The following ZC3HAV1L variants were observed in gnomAD, a reference collection of about 807,000 sequenced individuals.
ZC3HAV1L encodes zinc finger CCCH-type antiviral protein 1-like.
Under a neutral mutation model 28.2 loss-of-function variants are expected in ZC3HAV1L, and 23 were observed. The ratio of observed to expected loss-of-function variants is 0.82; its 90% CI spans 0.59 to 1.16. The LOEUF (loss-of-function observed/expected upper bound fraction) is 1.16. Among genes scored for constraint, ZC3HAV1L ranks in the 50% most tolerant of loss-of-function variants. The pLI is 0.00. For missense variants in ZC3HAV1L, 376 were observed against 387.7 expected (o/e 0.97, Z 0.25); for synonymous variants, 180 against 163.4 (o/e 1.10, Z -0.78).
At chr7:139,035,091 C>T in intron 1 of ZC3HAV1L, 1 of 985,460 alleles carries the variant, frequency 1.0e-6, no homozygotes, top group Non-Finnish European at 1.2e-6. Flanking sequence ...GAAGCACAGC[C>T]TGGGGTCAGG....
intron 4 of ZC3HAV1L, 24 bp from the exon 5 acceptor site, chr7:139,026,584 C>A: frequency 1.2e-6 from 2 of 1,612,394 alleles, no homozygotes; most frequent in East Asian, 2.2e-5. Context: ...ATTATTATGA[C>A]CATTACAAAT....
intron 1 of ZC3HAV1L, chr7:139,035,012 C>T: frequency 2.0e-6 from 2 of 985,442 alleles, no homozygotes; most frequent in Non-Finnish European, 2.4e-6. Context: ...AAAAAGAAAG[C>T]GCCCCTATCC....
At position 139,034,694 on chromosome 7, in the gene ZC3HAV1L, C is replaced by T. The variant is rs752468960; in HGVS notation, c.366-16G>A. The T allele has an allele frequency of 2.5e-6, 4 of 1,613,126 alleles. No homozygotes were observed. The South Asian group carries it at 4.4e-5, about 18-fold the overall frequency. ...ACAGGTAGACCTAAAAGAACAAAGC[C>T]CTCGGTCAGATGCCCAGGTGAAGAA... On this transcript the variant is annotated splice_polypyrimidine_tract_variant and intron_variant, in intron 1 of 4. Coordinates refer to ENST00000275766, the MANE Select transcript of ZC3HAV1L (RefSeq NM_080660.4).
At chr7:139,035,271 G>C in intron 1 of ZC3HAV1L, 1 of 985,392 alleles carries the variant, frequency 1.0e-6, no homozygotes, top group African/African-American at 1.7e-5. Context: ...CCGGCTAAAG[G>C]GTCCAGGGAT....
chr7:139,026,939 G>GAACTCTCCAAATC, intron 3 of ZC3HAV1L, 106 bp from the exon 4 acceptor site: 1 of 1,274,126 alleles, frequency 7.8e-7, no homozygotes, highest in Non-Finnish European at 1.1e-6. Flanking sequence ...CCCAACACAT[G>GAACTCTCCAAATC]GATTTGGAGA....
Position 139,026,043 on chromosome 7 carries a change from G to T in ZC3HAV1L, c.*501C>A, listed in dbSNP as rs1442245259. 6.5e-6 allele frequency: 1 copy of T among 153,126 alleles called. No homozygotes were observed. Among genetic ancestry groups the T allele is most frequent in the Non-Finnish European group, 1.4e-5 (1 of 69,006 alleles). The allele number at this position is 153,126 out of a possible 1,614,324, so 9.5% of individuals were successfully genotyped here. ...CCAGCTACTCAGGAGGCTGAGGTGG[G>T]ATGATCACTTGAGCCCAGGAAGTCA... is the stretch of plus-strand genomic sequence containing the variant. On this transcript the variant is annotated 3_prime_UTR_variant, in exon 5 of 5. Coordinates refer to ENST00000275766, the MANE Select transcript of ZC3HAV1L (RefSeq NM_080660.4).
chr7:139,023,681 C>T (rs912857991), downstream of ZC3HAV1L, among the ~76,000 whole-genome samples: 1 of 152,266 alleles, frequency 6.6e-6, no homozygotes, highest in South Asian at 2.1e-4. Context: ...CCAGTGAAAT[C>T]CACAAACGCT....
chr7:139,028,655 C>T (rs373730571), intron 3 of ZC3HAV1L, 47 bp downstream of exon 3: 5 of 1,586,122 alleles, frequency 3.2e-6, no homozygotes, highest in East Asian at 2.2e-5. Flanking sequence ...TGAAGCATCG[C>T]AAAACCATAT....
chr7:139,027,002 G>T (rs1207747650), intron 3 of ZC3HAV1L, among the ~76,000 whole-genome samples, 169 bp from the exon 4 acceptor site: 1 of 147,698 alleles, frequency 6.8e-6, no homozygotes. Flanking sequence ...ATAAAAAATA[G>T]AGAGAGAGAG....
chr7:139,024,024 A>T (rs181288836), downstream of ZC3HAV1L, among the ~76,000 whole-genome samples: 2 of 152,362 alleles, frequency 1.3e-5, no homozygotes, highest in East Asian at 3.9e-4. Context: ...GACATTCAAA[A>T]ATAAGGAAAT....
At chr7:139,035,072 C>A (rs1351635194) in intron 1 of ZC3HAV1L, 1 of 985,332 alleles carries the variant, frequency 1.0e-6, no homozygotes, top group Admixed American at 6.1e-5. Flanking sequence ...AAGGAAAATT[C>A]GGGGCTGTGA....
downstream of ZC3HAV1L, chr7:139,022,579 G>A: frequency 5.0e-6 from 1 of 200,296 alleles, no homozygotes; most frequent in Non-Finnish European, 1.1e-5. Context: ...AAACAATGAA[G>A]ACCAATATGC....
intron 2 of ZC3HAV1L, among the ~76,000 whole-genome samples, chr7:139,031,713 T>A (rs1478062995): frequency 6.6e-6 from 1 of 152,052 alleles, no homozygotes; most frequent in Non-Finnish European, 1.5e-5. Flanking sequence ...AAGGCCAGCC[T>A]GGCCAAAATG....
At chr7:139,034,867 C>A in intron 1 of ZC3HAV1L, 189 bp from the exon 2 acceptor site, 1 of 985,404 alleles carries the variant, frequency 1.0e-6, no homozygotes, top group Non-Finnish European at 1.2e-6. Flanking sequence ...ACTCCTCTCC[C>A]AGGGTCATTT....
At chr7:139,034,262 G>T in intron 2 of ZC3HAV1L, 1 of 852,372 alleles carries the variant, frequency 1.2e-6, no homozygotes, top group Non-Finnish European at 1.4e-6. Context: ...CACTGTGCTA[G>T]ATTAGAAAAT....
At position 139,035,801 on chromosome 7, in the gene ZC3HAV1L, CCACCGCG is replaced by C; in HGVS notation, c.210_216del (p.Gly73AlafsTer66). 6.7e-7 allele frequency: 1 copy of C among 1,488,126 alleles called. No individual in the cohort carries two copies. Among genetic ancestry groups the C allele is most frequent in the Non-Finnish European group, 8.9e-7 (1 of 1,127,946 alleles). The allele number at this position is 1,488,126 out of a possible 1,614,324, so 92.2% of individuals were successfully genotyped here. On this transcript the variant is annotated frameshift_variant, in exon 1 of 5. Coordinates refer to ENST00000275766, the MANE Select transcript of ZC3HAV1L (RefSeq NM_080660.4). LOFTEE classifies it high-confidence loss of function. ...CTCCAGGCGGAGGTGCCGCCACCGC[CCACCGCG>C]CCGGCCGCCGCCTCGGCCTCCGCGT...
chr7:139,027,543 T>G (rs1815391495), intron 3 of ZC3HAV1L, among the ~76,000 whole-genome samples: 1 of 152,098 alleles, frequency 6.6e-6, no homozygotes, highest in African/African-American at 2.4e-5. Context: ...CTGGACATGG[T>G]GGCATGTGCC....
In ZC3HAV1L at chr7:139,028,966, A is replaced by T. The variant is rs1253120727; in HGVS notation, c.502-6T>A. 1 of 1,609,754 alleles carries T rather than the reference A, an allele frequency of 6.2e-7. No individual in the cohort carries two copies. The highest frequency in any genetic ancestry group is 8.5e-7 in the Non-Finnish European group (1 of 1,177,214). ...TTGTTGTAGAGCAAACAGACCTGGT[A>T]CAGAAATGAGGGAACACCTGAAATA... On this transcript the variant is annotated splice_polypyrimidine_tract_variant and splice_region_variant and intron_variant, in intron 2 of 4. Coordinates refer to ENST00000275766, the MANE Select transcript of ZC3HAV1L (RefSeq NM_080660.4).
At chr7:139,027,314 G>GT (rs550641337) in intron 3 of ZC3HAV1L, among the ~76,000 whole-genome samples, 86 of 152,290 alleles carry the variant, frequency 5.6e-4, no homozygotes, top group African/African-American at 2.0e-3. Context: ...ACCAGCAAAT[G>GT]TAACAGAATA....
Sources: gnomAD v4.1 joint callset for allele counts (sites outside exome capture counted in the v4.1 genomes callset) on GRCh38, gnomAD v4.1.1 for gene constraint, MANE v1.5 for transcripts, NCBI Gene and HGNC (gene_info 2026-07-23, HGNC 2026-07-21) for gene names.